Variants in RPS6KA4 observed in about 807,000 individuals in gnomAD.
The protein encoded by RPS6KA4 is ribosomal protein S6 kinase A4, also known as ribosomal protein S6 kinase alpha-4.
In RPS6KA4, 38 loss-of-function variants were observed where a neutral mutation model predicts 89.6. The ratio of observed to expected loss-of-function variants is 0.42; its 90% CI spans 0.33 to 0.56. The LOEUF (loss-of-function observed/expected upper bound fraction) is 0.56. Among genes scored for constraint, RPS6KA4 ranks in the 20% least tolerant of loss-of-function variants. RPS6KA4 has a pLI of 0.07. For synonymous variants in RPS6KA4, 495 were observed against 492.8 expected, an observed-to-expected ratio of 1.00 and a Z score of -0.06; for missense variants, 873 against 1,098.8, an observed-to-expected ratio of 0.79 and a Z score of 2.90.
chr11:64,370,228 A>G lies in RPS6KA4; in HGVS notation c.1801A>G (p.Met601Val). ...DLWSLGVILY[M>V]MLSGQVPFQG... ...CACCTTCCCCTCACCCTCCTAGTAC[A>G]TGATGCTGTCGGGGCAGGTCCCCTT... Residue 601 changes from methionine to valine, a missense_variant, in exon 15 of 17, where the codon ATG becomes GTG. Transcript: ENST00000334205. The surrounding 1 kb of genome is among the most constrained non-coding windows in gnomAD (Gnocchi z 4.1). 1 of 1,554,148 alleles carries G rather than the reference A, an allele frequency of 6.4e-7. No individual in the cohort carries two copies. The highest frequency in any genetic ancestry group is 8.6e-7 in the Non-Finnish European group (1 of 1,157,380).
At chr11:64,363,235 T>A (rs2036800381) in intron 8 of RPS6KA4, among the ~76,000 whole-genome samples, 1 of 152,216 alleles carries the variant, frequency 6.6e-6, no homozygotes, top group African/African-American at 2.4e-5. Flanking sequence ...TCTTTGAATC[T>A]TCCAAGCCCT....
intron 9 of RPS6KA4, among the ~76,000 whole-genome samples, chr11:64,366,842 T>C (rs1184497564): frequency 1.3e-5 from 2 of 152,236 alleles, no homozygotes; most frequent in Non-Finnish European, 2.9e-5. Context: ...AATGATATTA[T>C]ATCATTATCA....
Position 64,370,755 on chromosome 11 carries a change from G to T in RPS6KA4, c.2121+29G>T. The T allele has an allele frequency of 6.7e-7, 1 of 1,501,016 alleles. No individual in the cohort carries two copies. The highest frequency in any genetic ancestry group is 8.9e-7 in the Non-Finnish European group (1 of 1,124,858). 93.0% of individuals were successfully genotyped at this position (1,501,016 alleles called of 1,614,324 possible). Reference sequence around the variant, plus strand: ...AGGGGCAGGGTCTGTTGAAGGGAAGGGGTGGGCGAAGCCTCGAGAGGTGGG... The same window carrying T: ...AGGGGCAGGGTCTGTTGAAGGGAAGTGGTGGGCGAAGCCTCGAGAGGTGGG... On this transcript the variant is annotated intron_variant, in intron 16 of 16. Transcript: ENST00000334205. The surrounding 1 kb of genome is among the most constrained non-coding windows in gnomAD (Gnocchi z 4.1).
At chr11:64,359,674 C>CG in intron 2 of RPS6KA4, 1 of 582,028 alleles carries the variant, frequency 1.7e-6, no homozygotes, top group Non-Finnish European at 3.1e-6. Context: ...GTGCATACCC[C>CG]CCTGGATTTG....
chr11:64,363,703 G>A (rs568138443), intron 8 of RPS6KA4, among the ~76,000 whole-genome samples: 1 of 152,002 alleles, frequency 6.6e-6, no homozygotes, highest in African/African-American at 2.4e-5. Context: ...TGTTGGCCAG[G>A]CTGGTCTCAA....
At chr11:64,359,824 A>G in intron 2 of RPS6KA4, 2 of 529,294 alleles carry the variant, frequency 3.8e-6, no homozygotes, top group Non-Finnish European at 6.7e-6. Context: ...AGCCAGGTGC[A>G]CACCTCTGCC....
Position 64,361,050 on chromosome 11 carries a change from C to T in RPS6KA4, c.463-84C>T, listed in dbSNP as rs2036732587. The T allele has an allele frequency of 1.7e-6, 2 of 1,178,604 alleles. No homozygotes were observed. The allele number at this position is 1,178,604 out of a possible 1,614,324, so 73.0% of individuals were successfully genotyped here. A position where few individuals can be genotyped will look rare whatever the true frequency, so the allele number is the denominator to read the frequency against. On this transcript the variant is annotated intron_variant, in intron 4 of 16. Transcript: ENST00000334205. The surrounding 1 kb of genome is among the most constrained non-coding windows in gnomAD (Gnocchi z 4.7). ...GCAGATGACTTTCTCTGGGGGGTCT[C>T]CTTATCCTGAGCAGGGCCAGGAGCT...
rs1245016329 is a variant in RPS6KA4, at chr11:64,360,329, G to C, written c.294G>C (p.Leu98=). The C allele has an allele frequency of 2.6e-6, 4 of 1,549,636 alleles. No individual in the cohort carries two copies. In the South Asian group the frequency reaches 4.8e-5, roughly 18 times the overall value. ...AGCTGGTGCGCCAGGCGCCCTTCCT[G>C]GTCACGCTGCACTACGCTTTCCAGA... ...VLELVRQAPF[L]VTLHYAFQTD... is the part of the protein sequence containing the mutation. Residue 98 remains leucine, a synonymous_variant, in exon 3 of 17, where the codon CTG becomes CTC. Transcript: ENST00000334205.
rs749853745 is a variant in RPS6KA4, at chr11:64,365,406, C to G, written c.1012C>G (p.Leu338Val). Residue 338 changes from leucine to valine, a missense_variant, in exon 9 of 17, where the codon CTG becomes GTG. Leu to Val is a conservative substitution (Grantham distance 32). Around this residue, in one of 4 missense-constraint regions of RPS6KA4, gnomAD observed 542 missense variants for 736.4 expected, o/e 0.74. Coordinates refer to ENST00000334205, the MANE Select transcript of RPS6KA4 (RefSeq NM_003942.3). Reference protein sequence around the residue: ...VGNFAEEFTRLEPVYSPPGSP... With the variant: ...VGNFAEEFTRVEPVYSPPGSP... The stretch of plus-strand genomic sequence containing the variant: ...CAACTTTGCGGAGGAATTCACTCGG[C>G]TGGAGCCTGTCTACTCACCCCCTGG... 1 of 1,614,122 alleles carries G rather than the reference C, an allele frequency of 6.2e-7. No individual in the cohort carries two copies. The highest frequency in any genetic ancestry group is 2.2e-5 in the East Asian group (1 of 44,876).
At position 64,370,257 on chromosome 11, in the gene RPS6KA4, G is replaced by C; in HGVS notation, c.1830G>C (p.Gln610His). ...YMMLSGQVPFQGASGQGGQSQ... is the reference protein window; with the variant it reads ...YMMLSGQVPFHGASGQGGQSQ... ...TGCTGTCGGGGCAGGTCCCCTTCCA[G>C]GGGGCCTCTGGCCAGGGCGGGCAGA... Residue 610 changes from glutamine to histidine, a missense_variant, in exon 15 of 17, where the codon CAG becomes CAC. This residue lies in a region of RPS6KA4 where 278 missense variants were observed against 284.8 expected (regional missense o/e 0.98). Transcript: ENST00000334205. This position sits in a 1 kb window ranked among gnomAD's most constrained non-coding sequence, Gnocchi z 4.1. The C allele has an allele frequency of 6.4e-7, 1 of 1,574,454 alleles. No individual in the cohort carries two copies.
In RPS6KA4 at chr11:64,360,548, G is replaced by T. The variant is rs746032255; in HGVS notation, c.418G>T (p.Val140Leu). The T allele has an allele frequency of 3.1e-6, 5 of 1,611,958 alleles. No individual in the cohort carries two copies. In the South Asian group the frequency reaches 5.5e-5, roughly 18 times the overall value. Residue 140 changes from valine to leucine, a missense_variant, in exon 4 of 17, where the codon GTG becomes TTG. By Grantham distance (32) the Val-to-Leu change is conservative (BLOSUM62 1). This residue lies in a region of RPS6KA4 where 542 missense variants were observed against 736.4 expected (regional missense o/e 0.74). Coordinates refer to ENST00000334205, the MANE Select transcript of RPS6KA4 (RefSeq NM_003942.3). ...RQYFKEAEVR[V>L]YGGEIVLALE... ...GTACTTCAAGGAGGCTGAGGTGCGC[G>T]TGTATGGGGGTGAGATCGTGCTGGC...
chr11:64,370,302 G>A lies in RPS6KA4; in HGVS notation c.1875G>A (p.Met625Ile). Reference protein sequence around the residue: ...QGGQSQAAEIMCKIREGRFSL... With the variant: ...QGGQSQAAEIICKIREGRFSL... ...GGCAGAGCCAGGCGGCCGAGATCAT[G>A]TGCAAAATCCGCGAGGGGCGCTTCT... Residue 625 changes from methionine to isoleucine, a missense_variant, in exon 15 of 17, where the codon ATG becomes ATA. This residue lies in a region of RPS6KA4 where 278 missense variants were observed against 284.8 expected (regional missense o/e 0.98). Transcript: ENST00000334205. This position sits in a 1 kb window ranked among gnomAD's most constrained non-coding sequence, Gnocchi z 4.1. The A allele has an allele frequency of 6.3e-7, 1 of 1,592,160 alleles. No homozygotes were observed. Among genetic ancestry groups the A allele is most frequent in the Non-Finnish European group, 8.5e-7 (1 of 1,174,178 alleles).
rs752176858 is a variant in RPS6KA4, at chr11:64,370,670, G to A, written c.2065G>A (p.Asp689Asn). 6.4e-7 allele frequency: 1 copy of A among 1,571,436 alleles called. No individual in the cohort carries two copies. The highest frequency in any genetic ancestry group is 1.1e-5 in the South Asian group (1 of 87,662). Residue 689 changes from aspartate to asparagine, a missense_variant, in exon 16 of 17, where the codon GAC becomes AAC. Around this residue, in one of 4 missense-constraint regions of RPS6KA4, gnomAD observed 278 missense variants for 284.8 expected, o/e 0.98. Coordinates refer to ENST00000334205, the MANE Select transcript of RPS6KA4 (RefSeq NM_003942.3). The surrounding 1 kb of genome is among the most constrained non-coding windows in gnomAD (Gnocchi z 4.1). Reference protein sequence around the residue: ...ARSSPPLRTPDVLESSGPAVR... With the variant: ...ARSSPPLRTPNVLESSGPAVR... ...CTCCTCGCCCCCGCTCCGGACGCCC[G>A]ACGTGCTCGAGTCCTCTGGGCCCGC...
chr11:64,360,000 CCCTTT>C (rs1390827783), intron 2 of RPS6KA4, among the ~76,000 whole-genome samples, 158 bp from the exon 3 acceptor site: 3 of 152,180 alleles, frequency 2.0e-5, no homozygotes, highest in Non-Finnish European at 4.4e-5. Context: ...GGTGTGCACA[CCCTTT>C]CCTTAGAAGG....
At chr11:64,359,586 C>A in intron 2 of RPS6KA4, 137 bp downstream of exon 2, 1 of 865,114 alleles carries the variant, frequency 1.2e-6, no homozygotes, top group Non-Finnish European at 1.8e-6. Flanking sequence ...GCCTGCCCCG[C>A]CCTGCCTCGC....
chr11:64,369,205 C>T (rs1279955819), intron 12 of RPS6KA4, among the ~76,000 whole-genome samples: 1 of 152,158 alleles, frequency 6.6e-6, no homozygotes, highest in Non-Finnish European at 1.5e-5. Flanking sequence ...GCACGAGAAT[C>T]GCTTGAACCC....
Position 64,369,446 on chromosome 11 carries a change from C to T in RPS6KA4, c.1429C>T (p.Leu477=), listed in dbSNP as rs777522985. Residue 477 remains leucine (L), a splice_region_variant and synonymous_variant, in exon 13 of 17, where the codon CTG becomes TTG. Transcript: ENST00000334205. ...CCTTGGCCCGCCACGCCGCCCGCAG[C>T]TGCACACGTACCTGGTCCTGGAGCT... ...VNLHEVHHDQ[L]HTYLVLELLR... 4 of 1,599,734 alleles carry T rather than the reference C, an allele frequency of 2.5e-6. No individual in the cohort carries two copies. The highest frequency in any genetic ancestry group is 3.4e-6 in the Non-Finnish European group (4 of 1,175,606).
chr11:64,368,080 C>A lies in RPS6KA4; in HGVS notation c.1072-52C>A. 1.9e-6 allele frequency: 3 copies of A among 1,597,166 alleles called. No homozygotes were observed. The South Asian group carries it at 3.4e-5, about 18-fold the overall frequency. On this transcript the variant is annotated intron_variant, in intron 9 of 16. Transcript: ENST00000334205. ...GGTTCCCCACCAGAGTCTCCTCACCCGCACCCCCAACCCCCATGCCCATGC... is the reference window on the plus strand; with the variant it reads ...GGTTCCCCACCAGAGTCTCCTCACCAGCACCCCCAACCCCCATGCCCATGC...
Position 64,370,258 on chromosome 11 carries a change from G to A in RPS6KA4, c.1831G>A (p.Gly611Arg), listed in dbSNP as rs753880345. 2.5e-6 allele frequency: 4 copies of A among 1,574,882 alleles called. No homozygotes were observed. Among genetic ancestry groups the A allele is most frequent in the African/African-American group, 1.4e-5 (1 of 72,228 alleles). The change falls in exon 15 of 17, where the codon GGG (glycine) becomes AGG (arginine). Residue 611 changes from glycine to arginine, a missense_variant. By Grantham distance (125) the Gly-to-Arg change is moderately radical. Coordinates refer to ENST00000334205, the MANE Select transcript of RPS6KA4 (RefSeq NM_003942.3). This position sits in a 1 kb window ranked among gnomAD's most constrained non-coding sequence, Gnocchi z 4.1. The part of the protein sequence containing the change: ...MMLSGQVPFQ[G>R]ASGQGGQSQA... ...GCTGTCGGGGCAGGTCCCCTTCCAGGGGGCCTCTGGCCAGGGCGGGCAGAG... is the reference window on the plus strand; with the variant it reads ...GCTGTCGGGGCAGGTCCCCTTCCAGAGGGCCTCTGGCCAGGGCGGGCAGAG...
Sources: gnomAD v4.1 joint callset for allele counts (sites outside exome capture counted in the v4.1 genomes callset) on GRCh38, gnomAD v4.1.1 for gene constraint, gnomAD v4.1.1 regional missense constraint, Gnocchi (gnomAD v3.1) non-coding constraint, MANE v1.5 for transcripts, NCBI Gene and HGNC (gene_info 2026-07-23, HGNC 2026-07-21) for gene names.